The following RAPGEF4 variants were observed in gnomAD, a reference collection of about 807,000 sequenced individuals.
RAPGEF4 encodes the protein RAP guanine-nucleotide-exchange factor (GEF) 4.
In RAPGEF4, 66 loss-of-function variants were observed where a neutral mutation model predicts 147.9. The ratio of observed to expected loss-of-function variants is 0.45; its 90% CI spans 0.37 to 0.55. The LOEUF is 0.55. RAPGEF4 is among the 20% of genes least tolerant of loss of function. RAPGEF4 has a pLI of 0.00. For missense variants in RAPGEF4, 1,071 were observed against 1,257.3 expected, an observed-to-expected ratio of 0.85 and a Z score of 2.24; for synonymous variants, 419 against 442.7, an observed-to-expected ratio of 0.95 and a Z score of 0.67.
intron 29 of RAPGEF4, among the ~76,000 whole-genome samples, chr2:173,045,085 G>A (rs111319150): frequency 2.0e-5 from 3 of 152,256 alleles, no homozygotes; most frequent in African/African-American, 4.8e-5. Flanking sequence ...GCTAGACTGC[G>A]AGCACCAATG....
intron 1 of RAPGEF4, among the ~76,000 whole-genome samples, chr2:172,757,186 C>A (rs1458751897): frequency 2.6e-5 from 4 of 152,198 alleles, no homozygotes; most frequent in African/African-American, 9.7e-5. Context: ...TTCAGTAATC[C>A]AGCATCATAG....
chr2:172,965,775 A>G, intron 9 of RAPGEF4, 92 bp downstream of exon 9: 1 of 1,518,854 alleles, frequency 6.6e-7, no homozygotes, highest in East Asian at 2.3e-5. Flanking sequence ...ATGGGCAAGA[A>G]AGAATTACGA....
intron 3 of RAPGEF4, among the ~76,000 whole-genome samples, chr2:172,799,022 C>G (rs17704392): frequency 0.34 from 51,094 of 152,006 alleles, 9,105 homozygotes; most frequent in Middle Eastern, 0.47. Flanking sequence ...ATTTCAGAGA[C>G]AGTCAAGGTG....
In RAPGEF4 at chr2:172,814,340, A is replaced by G. The variant is rs767629107; in HGVS notation, c.359A>G (p.Asn120Ser). 4 of 1,614,184 alleles carry G rather than the reference A, an allele frequency of 2.5e-6. No homozygotes were observed. In the East Asian group the frequency reaches 6.7e-5, roughly 27 times the overall value. ...GTAFGESILDNTPRHATIVTR... is the reference protein window; with the variant it reads ...GTAFGESILDSTPRHATIVTR... ...GCCTTTGGAGAGTCCATTCTGGACA[A>G]CACACCCCGCCATGCAACCATCGTT... The change falls in exon 4 of 31, where the codon AAC (asparagine) becomes AGC (serine). Residue 120 changes from asparagine (N) to serine (S), a missense_variant. Transcript: ENST00000397081.
chr2:172,949,700 A>G (rs1283779181), intron 6 of RAPGEF4, among the ~76,000 whole-genome samples: 1 of 152,236 alleles, frequency 6.6e-6, no homozygotes, highest in East Asian at 1.9e-4. Context: ...ACTTAGTATC[A>G]TTTACCAGAA....
At chr2:172,836,795 C>A (rs1690986398) in intron 4 of RAPGEF4, among the ~76,000 whole-genome samples, 1 of 152,230 alleles carries the variant, frequency 6.6e-6, no homozygotes, top group African/African-American at 2.4e-5. Flanking sequence ...GTGCTTTCAA[C>A]AACCCAAAGT....
At chr2:173,050,757 CAAAAAAA>C (rs34661805) in intron 30 of RAPGEF4, among the ~76,000 whole-genome samples, 5 of 120,062 alleles carry the variant, frequency 4.2e-5, no homozygotes, top group South Asian at 2.6e-4. Context: ...CATTTCTTAA[CAAAAAAA>C]AAAAAAAAAA....
At position 172,958,128 on chromosome 2, in the gene RAPGEF4, T is replaced by C. The variant is rs745315926; in HGVS notation, c.538-2632T>C. On this transcript the variant is annotated intron_variant, in intron 6 of 30. Transcript: ENST00000397081. ...CTTGGTTCTGGCAGCCTCTCAAAGA[T>C]CACTGCAAAGGAAAGTAGGTTTTTC... Among the ~76,000 whole-genome samples the C allele has an allele frequency of 3.2e-4, 48 of 152,284 alleles. 1 individual carries two copies. The highest frequency in any genetic ancestry group is 6.3e-4 in the Non-Finnish European group (43 of 68,012).
At chr2:172,891,917 GAAGAAGAGCTGT>G (rs1369163387) in intron 4 of RAPGEF4, among the ~76,000 whole-genome samples, 1 of 152,206 alleles carries the variant, frequency 6.6e-6, no homozygotes, top group East Asian at 1.9e-4. Flanking sequence ...CAAGAGAGGG[GAAGAAGAGCTGT>G]CTTTGAATGA....
In RAPGEF4 at chr2:172,850,926, T is replaced by G. The variant is rs554267750; in HGVS notation, c.444+36501T>G. ...TTCAGGGATCTTTTGTATGGTTTTTTGCATCTCATTTTCATTCAGTTCAGC... is the reference window on the plus strand; with the variant it reads ...TTCAGGGATCTTTTGTATGGTTTTTGGCATCTCATTTTCATTCAGTTCAGC... On this transcript the variant is annotated intron_variant, in intron 4 of 30. Transcript: ENST00000397081. Among the ~76,000 whole-genome samples, 10 of 152,336 alleles carry G rather than the reference T, an allele frequency of 6.6e-5. No individual in the cohort carries two copies. In the East Asian group the frequency reaches 1.9e-3, roughly 29 times the overall value.
intron 18 of RAPGEF4, among the ~76,000 whole-genome samples, chr2:173,015,514 G>A (rs1172649292): frequency 6.6e-6 from 1 of 152,230 alleles, no homozygotes; most frequent in South Asian, 2.1e-4. Flanking sequence ...GCGAGGCAGT[G>A]AGGAAAGATG....
At chr2:172,742,710 G>T (rs77456279) in intron 1 of RAPGEF4, among the ~76,000 whole-genome samples, 1 of 152,200 alleles carries the variant, frequency 6.6e-6, no homozygotes, top group Non-Finnish European at 1.5e-5. Flanking sequence ...AACCTCATAT[G>T]TAATTAGGGT....
intron 4 of RAPGEF4, among the ~76,000 whole-genome samples, chr2:172,855,932 CTTTG>C (rs762661290): frequency 9.9e-5 from 15 of 151,850 alleles, no homozygotes; most frequent in Non-Finnish European, 1.8e-4. Context: ...TGGCATGGGT[CTTTG>C]TTTTGTTTTG....
chr2:173,037,094 C>T (rs763253936), intron 29 of RAPGEF4, among the ~76,000 whole-genome samples: 6 of 152,220 alleles, frequency 3.9e-5, no homozygotes, highest in South Asian at 2.1e-4. Flanking sequence ...GGCAATTCTA[C>T]GCCTTTATTA....
rs71018521 is a variant in RAPGEF4 at position 172,831,266 on chromosome 2, C to CTTTTTTTTTTTTTTTTT, written c.444+16844_444+16860dup. Among the ~76,000 whole-genome samples, 315 of 53,864 alleles carry CTTTTTTTTTTTTTTTTT rather than the reference C, an allele frequency of 5.8e-3. 91 individuals are homozygous for CTTTTTTTTTTTTTTTTT. Among genetic ancestry groups the CTTTTTTTTTTTTTTTTT allele is most frequent in the East Asian group, 0.016 (26 of 1,604 alleles). 35.3% of individuals were successfully genotyped at this position (53,864 alleles called of 152,430 possible). ...AAATGTGACTGTTTCAGATAGAAAA[C>CTTTTTTTTTTTTTTTTT]TTTTTTTTTTTTTTTTTTTGAGACA... On this transcript the variant is annotated intron_variant, in intron 4 of 30. Transcript: ENST00000397081.
At chr2:173,013,695 T>C (rs1695239034) in intron 17 of RAPGEF4, among the ~76,000 whole-genome samples, 1 of 152,138 alleles carries the variant, frequency 6.6e-6, no homozygotes, top group Non-Finnish European at 1.5e-5. Flanking sequence ...AATGAATAAA[T>C]ACAGTTTCTG....
At chr2:172,990,660 C>T (rs1011121490) in intron 14 of RAPGEF4, 150 bp from the exon 15 acceptor site, 3 of 617,782 alleles carry the variant, frequency 4.9e-6, no homozygotes, top group Non-Finnish European at 8.7e-6. Flanking sequence ...CTCTCTCTGA[C>T]CGTTCCAGCC....
At chr2:172,916,252 C>T (rs568100066) in intron 4 of RAPGEF4, among the ~76,000 whole-genome samples, 17 of 152,280 alleles carry the variant, frequency 1.1e-4, no homozygotes, top group African/African-American at 3.6e-4. Context: ...AAAGAACACC[C>T]GTCACATCCA....
chr2:172,859,175 A>T (rs544117107), intron 4 of RAPGEF4, among the ~76,000 whole-genome samples: 1 of 152,230 alleles, frequency 6.6e-6, no homozygotes, highest in Non-Finnish European at 1.5e-5. Context: ...AAAAATAGAG[A>T]TGAAACTTGG....
Sources: allele counts gnomAD v4.1 joint callset (sites outside exome capture counted in the v4.1 genomes callset), GRCh38; gene constraint gnomAD v4.1.1; transcripts MANE v1.5; gene names NCBI Gene and HGNC (gene_info 2026-07-23, HGNC 2026-07-21).